Variants in SRCIN1 observed in about 807,000 individuals in gnomAD.
SRCIN1 encodes P130Cas-associated protein.
SRCIN1 carries 50 observed loss-of-function variants against 116.2 expected under a neutral mutation model. The observed-to-expected ratio is 0.43, with a 90% CI of 0.34 to 0.54. SRCIN1 has a LOEUF of 0.54. Among genes scored for constraint, SRCIN1 ranks in the 20% least tolerant of loss-of-function variants. The pLI is 0.02. For synonymous variants in SRCIN1, 736 were observed against 750.0 expected, an observed-to-expected ratio of 0.98 and a Z score of 0.30; for missense variants, 1,446 against 1,672.0, an observed-to-expected ratio of 0.86 and a Z score of 2.36.
rs1597906546 is a variant in SRCIN1 at position 38,563,979 on chromosome 17, C to A, written c.541+139G>T. On this transcript the variant is annotated intron_variant, in intron 4 of 18. Coordinates refer to ENST00000617146, the MANE Select transcript of SRCIN1 (RefSeq NM_025248.3). The surrounding 1 kb of genome is among the most constrained non-coding windows in gnomAD (Gnocchi z 5.8). ...AGAGAGATGGAGAGAGCTGGGGTTG[C>A]TTGGGGAGAAGGGGCTGTGGGAAAG... 2.0e-6 allele frequency: 2 copies of A among 978,090 alleles called. No homozygotes were observed. Among genetic ancestry groups the A allele is most frequent in the Non-Finnish European group, 3.0e-6 (2 of 663,900 alleles). 60.6% of individuals were successfully genotyped at this position (978,090 alleles called of 1,614,324 possible).
At chr17:38,588,818 G>T (rs1597930109) in intron 1 of SRCIN1, among the ~76,000 whole-genome samples, 2 of 152,232 alleles carry the variant, frequency 1.3e-5, no homozygotes, top group Non-Finnish European at 2.9e-5. Flanking sequence ...CTCATCAACG[G>T]GCTCATCAAT....
chr17:38,603,407 C>G (rs918980576), intron 1 of SRCIN1, among the ~76,000 whole-genome samples: 1 of 152,056 alleles, frequency 6.6e-6, no homozygotes, highest in African/African-American at 2.4e-5. Context: ...GTGGGGGTAG[C>G]TCTTTGAGGG....
At chr17:38,548,762 A>C (rs1905215906) in intron 16 of SRCIN1, 53 bp from the exon 17 acceptor site, 1 of 1,501,374 alleles carries the variant, frequency 6.7e-7, no homozygotes, top group African/African-American at 1.4e-5. Flanking sequence ...CTTCAGCACC[A>C]GCTCACCTCC....
At chr17:38,555,440 G>A (rs907009715) in intron 11 of SRCIN1, among the ~76,000 whole-genome samples, 4 of 152,196 alleles carry the variant, frequency 2.6e-5, no homozygotes, top group Non-Finnish European at 5.9e-5. Context: ...ACTGCATGGA[G>A]AAGAGCCACC....
chr17:38,583,207 C>T (rs1226475763), intron 1 of SRCIN1, among the ~76,000 whole-genome samples: 1 of 152,184 alleles, frequency 6.6e-6, no homozygotes, highest in Non-Finnish European at 1.5e-5. Flanking sequence ...GCTGGGACCA[C>T]AGGCACGTGC....
intron 17 of SRCIN1, 109 bp downstream of exon 17, chr17:38,548,448 G>A: frequency 1.5e-6 from 2 of 1,372,152 alleles, no homozygotes; most frequent in African/African-American, 1.4e-5. Flanking sequence ...GCTCCGCAGG[G>A]AGCCCGAGAG....
chr17:38,570,356 A>G (rs966220525), intron 2 of SRCIN1, among the ~76,000 whole-genome samples: 4 of 151,942 alleles, frequency 2.6e-5, no homozygotes, highest in Admixed American at 1.3e-4. Flanking sequence ...TGGCATTCAC[A>G]CTCACCCTCA....
At chr17:38,534,196 C>T (rs1213481644) in intron 18 of SRCIN1, among the ~76,000 whole-genome samples, 1 of 152,206 alleles carries the variant, frequency 6.6e-6, no homozygotes, top group Non-Finnish European at 1.5e-5. Flanking sequence ...GCAACTCCAC[C>T]GGTCCTGGAG....
intron 1 of SRCIN1, among the ~76,000 whole-genome samples, chr17:38,584,590 GTCCGAACAAT>G (rs968790427): frequency 2.0e-5 from 3 of 152,226 alleles, no homozygotes; most frequent in Non-Finnish European, 2.9e-5. Flanking sequence ...GTTGTCATTT[GTCCGAACAAT>G]TCCAAATTCT....
chr17:38,558,266 C>A lies in SRCIN1; in HGVS notation c.2162G>T (p.Arg721Leu). ...QRTLVEEERL[R>L]YLNDEELITQ... ...AATAAGCTCCTCGTCGTTGAGATAG[C>A]GCAGCCGTTCCTCTTCCACCAGGGT... The change falls in exon 11 of 19, where the codon CGC becomes CTC. Residue 721 changes from arginine (R) to leucine (L), a missense_variant. Physicochemically the swap from Arg to Leu is moderately radical, Grantham distance 102 (BLOSUM62 -2). Around this residue, in one of 5 missense-constraint regions of SRCIN1, gnomAD observed 531 missense variants for 633.9 expected, o/e 0.84. Transcript: ENST00000617146. The surrounding 1 kb of genome is among the most constrained non-coding windows in gnomAD (Gnocchi z 4.6). 1 of 1,612,894 alleles carries A rather than the reference C, an allele frequency of 6.2e-7. No individual in the cohort carries two copies. Among genetic ancestry groups the A allele is most frequent in the Non-Finnish European group, 8.5e-7 (1 of 1,179,690 alleles).
intron 1 of SRCIN1, among the ~76,000 whole-genome samples, chr17:38,590,135 C>G (rs1425161324): frequency 6.6e-6 from 1 of 152,246 alleles, no homozygotes; most frequent in Non-Finnish European, 1.5e-5. Flanking sequence ...CAAAGACTCC[C>G]ACCCTCCCTT....
chr17:38,533,124 A>C lies in SRCIN1; in HGVS notation c.*173T>G. The stretch of plus-strand genomic sequence containing the variant: ...AAAAAAAAAAAAAACAAAACCAAAA[A>C]CACCAACAGATGATGGGTAGGGGTC... On this transcript the variant is annotated 3_prime_UTR_variant, in exon 19 of 19. Coordinates refer to ENST00000617146, the MANE Select transcript of SRCIN1 (RefSeq NM_025248.3). The C allele has an allele frequency of 5.3e-6, 3 of 565,252 alleles. No individual in the cohort carries two copies. The highest frequency in any genetic ancestry group is 7.8e-6 in the Non-Finnish European group (3 of 383,608). The allele number at this position is 565,252 out of a possible 1,614,324, so 35.0% of individuals were successfully genotyped here.
chr17:38,558,552 G>T lies in SRCIN1; in HGVS notation c.2026-150C>A. 1 of 787,356 alleles carries T rather than the reference G, an allele frequency of 1.3e-6. No individual in the cohort carries two copies. Among genetic ancestry groups the T allele is most frequent in the Non-Finnish European group, 1.9e-6 (1 of 522,982 alleles). The allele number at this position is 787,356 out of a possible 1,614,324, so 48.8% of individuals were successfully genotyped here. A position where few individuals can be genotyped will look rare whatever the true frequency, so the allele number is the denominator to read the frequency against. On this transcript the variant is annotated intron_variant, in intron 10 of 18. Coordinates refer to ENST00000617146, the MANE Select transcript of SRCIN1 (RefSeq NM_025248.3). This position sits in a 1 kb window ranked among gnomAD's most constrained non-coding sequence, Gnocchi z 4.6. ...GCTTGGCTCCGCCTCAGGCAGCAGC[G>T]AAGGGGTGGGATGGCGAAGGGCAGG...
rs769081646 is a variant in SRCIN1, at chr17:38,559,680, C to T, written c.1930G>A (p.Ala644Thr). 1.3e-6 allele frequency: 2 copies of T among 1,594,956 alleles called. No individual in the cohort carries two copies. The highest frequency in any genetic ancestry group is 1.1e-5 in the South Asian group (1 of 90,462). ...ASSTPAGQPT[A>T]VSRLQMQLHL... ...AGCTGCATCTGCAGCCGGCTAACGG[C>T]GGTAGGCTGACCTGCGGGGGTGCTG... Residue 644 changes from alanine (A) to threonine (T), a missense_variant, in exon 10 of 19, where the codon GCC becomes ACC. Transcript: ENST00000617146.
chr17:38,561,477 C>T lies in SRCIN1; in HGVS notation c.1686G>A (p.Lys562=). The change falls in exon 7 of 19, where the codon AAG becomes AAA. Residue 562 remains lysine, a synonymous_variant. Coordinates refer to ENST00000617146, the MANE Select transcript of SRCIN1 (RefSeq NM_025248.3). ...LVGFGPPVPA[K]DTETRERMEA... ...ACGTCCCTCACCTGGTCTCCGTGTCCTTGGCTGGCACTGGCGGCCCGAACC... is the reference window on the plus strand; with the variant it reads ...ACGTCCCTCACCTGGTCTCCGTGTCTTTGGCTGGCACTGGCGGCCCGAACC... 8.2e-6 allele frequency: 13 copies of T among 1,589,306 alleles called. No homozygotes were observed. Among genetic ancestry groups the T allele is most frequent in the Non-Finnish European group, 1.1e-5 (13 of 1,175,434 alleles).
At chr17:38,559,546 GT>G (rs1906062427) in intron 10 of SRCIN1, 38 bp downstream of exon 10, 1 of 1,582,286 alleles carries the variant, frequency 6.3e-7, no homozygotes, top group Non-Finnish European at 8.5e-7. Context: ...CTACCAGTAG[GT>G]GGGCGTTGGT....
chr17:38,546,152 G>C (rs1308050634), intron 17 of SRCIN1, among the ~76,000 whole-genome samples: 6 of 152,244 alleles, frequency 3.9e-5, no homozygotes, highest in Non-Finnish European at 8.8e-5. Context: ...CCCGATGTGA[G>C]TGAATCCTGG....
chr17:38,574,068 G>A (rs765635447), intron 2 of SRCIN1, among the ~76,000 whole-genome samples: 1 of 152,112 alleles, frequency 6.6e-6, no homozygotes, highest in Non-Finnish European at 1.5e-5. Flanking sequence ...GGGGAAGCAG[G>A]GTGTGTAAGG....
At chr17:38,584,766 G>A (rs1167160175) in intron 1 of SRCIN1, among the ~76,000 whole-genome samples, 1 of 152,184 alleles carries the variant, frequency 6.6e-6, no homozygotes, top group African/African-American at 2.4e-5. Context: ...TACCCCGGAT[G>A]TAACCCTCTA....
Sources: allele counts gnomAD v4.1 joint callset (sites outside exome capture counted in the v4.1 genomes callset), GRCh38; gene constraint gnomAD v4.1.1; regional missense constraint gnomAD v4.1.1; non-coding constraint Gnocchi (gnomAD v3.1); transcripts MANE v1.5; gene names NCBI Gene and HGNC (gene_info 2026-07-23, HGNC 2026-07-21).